Variants in LGR5 observed in about 807,000 individuals in gnomAD.
The protein encoded by LGR5 is leucine rich repeat containing G protein-coupled receptor 5.
Under a neutral mutation model 76.7 loss-of-function variants are expected in LGR5, and 54 were observed. That is an observed-to-expected ratio of 0.70 (90% CI 0.57 to 0.88). The LOEUF (loss-of-function observed/expected upper bound fraction) is 0.88. Ranked by LOEUF, LGR5 falls within the 40% of genes least tolerant of loss-of-function variation. The pLI is 0.00. For synonymous variants in LGR5, 406 were observed against 421.9 expected (o/e 0.96, Z 0.46); for missense variants, 1,078 against 1,073.3 (o/e 1.00, Z -0.06).
At chr12:71,563,641 T>C (rs1878172372) in intron 8 of LGR5, among the ~76,000 whole-genome samples, 1 of 152,234 alleles carries the variant, frequency 6.6e-6, no homozygotes. Context: ...CAAAGCTCTT[T>C]TCTTACTTCC....
intron 5 of LGR5, among the ~76,000 whole-genome samples, chr12:71,555,032 A>G (rs1056312718): frequency 6.6e-6 from 1 of 152,058 alleles, no homozygotes. Flanking sequence ...ACTGTAGTAT[A>G]TACTCCTTTG....
intron 7 of LGR5, among the ~76,000 whole-genome samples, chr12:71,561,412 C>T (rs1189542898): frequency 1.3e-5 from 2 of 152,152 alleles, no homozygotes; most frequent in African/African-American, 4.8e-5. Flanking sequence ...TCTCTTCTAG[C>T]TTCAAATGGG....
intron 2 of LGR5, among the ~76,000 whole-genome samples, chr12:71,510,337 T>C (rs563940547): frequency 6.6e-6 from 1 of 152,334 alleles, no homozygotes; most frequent in South Asian, 2.1e-4. Flanking sequence ...CATTTAGATA[T>C]CGGTCATTGT....
intron 1 of LGR5, among the ~76,000 whole-genome samples, chr12:71,490,412 C>G (rs1051428828): frequency 6.6e-6 from 1 of 152,170 alleles, no homozygotes; most frequent in African/African-American, 2.4e-5. Flanking sequence ...TGATACCACA[C>G]TCACACATTT....
Position 71,440,402 on chromosome 12 carries a change from G to A in LGR5, c.212+110G>A, listed in dbSNP as rs1592444533. The stretch of plus-strand genomic sequence containing the variant: ...GCCCGCCTGCTCGTGGGGGAGGGGG[G>A]CGAGTTTGTCAAGGGCATCCTGGCC... On this transcript the variant is annotated intron_variant, in intron 1 of 17. Coordinates refer to ENST00000266674, the MANE Select transcript of LGR5 (RefSeq NM_003667.4). The surrounding 1 kb of genome is among the most constrained non-coding windows in gnomAD (Gnocchi z 5.3). 1 of 1,064,118 alleles carries A rather than the reference G, an allele frequency of 9.4e-7. No homozygotes were observed. Among genetic ancestry groups the A allele is most frequent in the Non-Finnish European group, 1.4e-6 (1 of 714,766 alleles). 65.9% of individuals were successfully genotyped at this position (1,064,118 alleles called of 1,614,324 possible). A position where few individuals can be genotyped will look rare whatever the true frequency, so the allele number is the denominator to read the frequency against.
At chr12:71,525,527 C>T (rs1256040582) in intron 3 of LGR5, among the ~76,000 whole-genome samples, 1 of 151,606 alleles carries the variant, frequency 6.6e-6, no homozygotes, top group Non-Finnish European at 1.5e-5. Context: ...TATAGTTTCA[C>T]AAACCCCCCA....
chr12:71,480,788 C>T (rs1302817139), intron 1 of LGR5, among the ~76,000 whole-genome samples: 1 of 152,136 alleles, frequency 6.6e-6, no homozygotes, highest in Non-Finnish European at 1.5e-5. Context: ...GCACTAAGGG[C>T]ATTTGCCTAC....
At chr12:71,569,952 T>C (rs1878525731) in intron 11 of LGR5, among the ~76,000 whole-genome samples, 2 of 152,202 alleles carry the variant, frequency 1.3e-5, no homozygotes, top group Non-Finnish European at 2.9e-5. Flanking sequence ...ATGTGCTACA[T>C]ATACACCATG....
chr12:71,567,331 T>A, intron 11 of LGR5: 1 of 192,974 alleles, frequency 5.2e-6, no homozygotes, highest in Non-Finnish European at 1.1e-5. Context: ...CAAACATCCT[T>A]CCAGTATAGT....
At position 71,585,312 on chromosome 12, in the gene LGR5, A is replaced by G. The variant is rs1334516003; in HGVS notation, c.*578A>G. ...AGATGGATAATGTAAGGTATTGTTA[A>G]CTCACTCATATTGAGATCATTTTTA... is the stretch of plus-strand genomic sequence containing the variant. On this transcript the variant is annotated 3_prime_UTR_variant, in exon 18 of 18. Coordinates refer to ENST00000266674, the MANE Select transcript of LGR5 (RefSeq NM_003667.4). 2.6e-5 allele frequency: 4 copies of G among 153,170 alleles called. No homozygotes were observed. The highest frequency in any genetic ancestry group is 7.2e-5 in the African/African-American group (3 of 41,418). 9.5% of individuals were successfully genotyped at this position (153,170 alleles called of 1,614,324 possible). A position where few individuals can be genotyped will look rare whatever the true frequency, so the allele number is the denominator to read the frequency against.
intron 1 of LGR5, among the ~76,000 whole-genome samples, chr12:71,459,474 C>T (rs1872608458): frequency 1.3e-5 from 2 of 152,010 alleles, no homozygotes; most frequent in Non-Finnish European, 2.9e-5. Context: ...GCATGAGTCC[C>T]CTCTATTCTT....
intron 1 of LGR5, among the ~76,000 whole-genome samples, chr12:71,452,431 A>C (rs1404248458): frequency 6.6e-6 from 1 of 152,206 alleles, no homozygotes. Flanking sequence ...CTCTACGTAA[A>C]ACTCAAACTT....
At position 71,559,639 on chromosome 12, in the gene LGR5, C is replaced by A; in HGVS notation, c.770C>A (p.Ser257Tyr). ...DEFPTAIRTLSNLKELGFHSN... is the reference protein window; with the variant it reads ...DEFPTAIRTLYNLKELGFHSN... ...TTCCCCACTGCAATTAGGACACTCT[C>A]CAACCTTAAAGAACTGTAAGTATTT... The change falls in exon 7 of 18, where the codon TCC (serine) becomes TAC (tyrosine). Residue 257 changes from serine (S) to tyrosine (Y), a missense_variant. Ser to Tyr is a moderately radical substitution (Grantham distance 144). Coordinates refer to ENST00000266674, the MANE Select transcript of LGR5 (RefSeq NM_003667.4). 1 of 1,554,972 alleles carries A rather than the reference C, an allele frequency of 6.4e-7. No homozygotes were observed. Among genetic ancestry groups the A allele is most frequent in the Non-Finnish European group, 8.9e-7 (1 of 1,127,144 alleles).
At chr12:71,470,824 T>A (rs2137242616) in intron 1 of LGR5, among the ~76,000 whole-genome samples, 1 of 152,306 alleles carries the variant, frequency 6.6e-6, no homozygotes, top group Admixed American at 6.5e-5. Context: ...TTCCTCACTC[T>A]ACTCTACCTA....
chr12:71,548,834 AC>A, intron 4 of LGR5, among the ~76,000 whole-genome samples: 1 of 151,956 alleles, frequency 6.6e-6, no homozygotes, highest in Non-Finnish European at 1.5e-5. Flanking sequence ...ACACACACAC[AC>A]ACACACACAC....
In LGR5 at chr12:71,561,792, G is replaced by T. The variant is rs776897270; in HGVS notation, c.797G>T (p.Ser266Ile). 1.9e-6 allele frequency: 3 copies of T among 1,599,232 alleles called. No homozygotes were observed. The highest frequency in any genetic ancestry group is 2.6e-6 in the Non-Finnish European group (3 of 1,170,710). The change falls in exon 8 of 18, where the codon AGC (serine) becomes ATC (isoleucine). Residue 266 changes from serine (S) to isoleucine (I), a missense_variant. Physicochemically the swap from Ser to Ile is moderately radical, Grantham distance 142. Transcript: ENST00000266674. ...LSNLKELGFH[S>I]NNIRSIPEKA... ...TTTTCTCTTTCTAGAGGATTTCATAGCAACAATATCAGGTCGATACCTGAG... is the reference window on the plus strand; with the variant it reads ...TTTTCTCTTTCTAGAGGATTTCATATCAACAATATCAGGTCGATACCTGAG...
At chr12:71,579,846 A>T (rs1434123383) in intron 15 of LGR5, among the ~76,000 whole-genome samples, 1 of 152,192 alleles carries the variant, frequency 6.6e-6, no homozygotes, top group Non-Finnish European at 1.5e-5. Context: ...GCCACTCTAA[A>T]CAACATGGTT....
intron 3 of LGR5, among the ~76,000 whole-genome samples, chr12:71,533,860 T>C (rs1165810550): frequency 2.6e-5 from 4 of 152,212 alleles, no homozygotes; most frequent in Non-Finnish European, 5.9e-5. Flanking sequence ...TGAGAATCCA[T>C]ATTCTTAACC....
At chr12:71,510,399 T>G (rs7967434) in intron 2 of LGR5, among the ~76,000 whole-genome samples, 14,070 of 152,222 alleles carry the variant, frequency 0.092, 694 homozygotes, top group Non-Finnish European at 0.11. Flanking sequence ...ATGAAGCCAC[T>G]GTTTTGAAAG....
Sources: allele counts gnomAD v4.1 joint callset (sites outside exome capture counted in the v4.1 genomes callset), GRCh38; gene constraint gnomAD v4.1.1; non-coding constraint Gnocchi (gnomAD v3.1); transcripts MANE v1.5; gene names NCBI Gene and HGNC (gene_info 2026-07-23, HGNC 2026-07-21).